The following PCSK6 variants were observed in gnomAD, a reference collection of about 807,000 sequenced individuals.
The protein encoded by PCSK6 is paired basic amino acid cleaving enzyme 4.
In PCSK6, 85 loss-of-function variants were observed where a neutral mutation model predicts 123.3. The observed-to-expected ratio is 0.69, with a 90% CI of 0.58 to 0.83. PCSK6 has a LOEUF of 0.83. Ranked by LOEUF, PCSK6 falls within the 40% of genes least tolerant of loss-of-function variation. The pLI, the probability that PCSK6 is intolerant of heterozygous loss-of-function variation, is 0.00. For synonymous variants in PCSK6, 508 were observed against 516.0 expected (o/e 0.98, Z 0.21); for missense variants, 1,191 against 1,282.3 (o/e 0.93, Z 1.09).
At chr15:101,455,315 G>C (rs1461469882) in intron 1 of PCSK6, among the ~76,000 whole-genome samples, 1 of 152,204 alleles carries the variant, frequency 6.6e-6, no homozygotes, top group African/African-American at 2.4e-5. Flanking sequence ...AGCCAAGCAC[G>C]GCAGTGCTGC....
Position 101,427,358 on chromosome 15 carries a change from C to T in PCSK6, c.823+534G>A, listed in dbSNP as rs770477665. 1.9e-3 allele frequency among the ~76,000 whole-genome samples: 286 copies of T among 152,074 alleles called. 1 individual carries two copies. Among genetic ancestry groups the T allele is most frequent in the Non-Finnish European group, 3.1e-3 (211 of 67,984 alleles). On this transcript the variant is annotated intron_variant, in intron 6 of 21. Coordinates refer to ENST00000611716, the MANE Select transcript of PCSK6 (RefSeq NM_002570.5). ...AGGTGGACAGAGCCAAGTGGAAAGA[C>T]GGGGGAGGCGGGGATGGGAATGGTT...
At chr15:101,357,101 T>C (rs2041066346) in intron 13 of PCSK6, among the ~76,000 whole-genome samples, 4 of 152,236 alleles carry the variant, frequency 2.6e-5, no homozygotes, top group Admixed American at 1.3e-4. Flanking sequence ...GCAATTAACT[T>C]GCAGAGATTT....
rs146189525 is a variant in PCSK6 at position 101,329,518 on chromosome 15, G to A, written c.2077+2133C>T. 1.5e-3 allele frequency among the ~76,000 whole-genome samples: 227 copies of A among 152,316 alleles called. 1 individual carries two copies. The highest frequency in any genetic ancestry group is 5.1e-3 in the African/African-American group (214 of 41,572). On this transcript the variant is annotated intron_variant, in intron 15 of 21. Transcript: ENST00000611716. Reference sequence around the variant, plus strand: ...CCTGACTGCTGTGCCCTGAGCAAGCGACCTGAGGCTTCTGGGCCTCTGCTT... The same window carrying A: ...CCTGACTGCTGTGCCCTGAGCAAGCAACCTGAGGCTTCTGGGCCTCTGCTT...
At chr15:101,468,209 C>G (rs1464577962) in intron 1 of PCSK6, among the ~76,000 whole-genome samples, 2 of 152,068 alleles carry the variant, frequency 1.3e-5, no homozygotes, top group South Asian at 2.1e-4. Flanking sequence ...TGTGGGTTAG[C>G]AGTAAGTAGT....
At chr15:101,392,039 A>G (rs2042247839) in intron 8 of PCSK6, among the ~76,000 whole-genome samples, 1 of 152,266 alleles carries the variant, frequency 6.6e-6, no homozygotes, top group South Asian at 2.1e-4. Context: ...TCCAGGGTTG[A>G]GAGACACCAT....
intron 20 of PCSK6, chr15:101,308,462 CG>C: frequency 6.6e-6 from 1 of 152,384 alleles, no homozygotes; most frequent in African/African-American, 2.4e-5. Flanking sequence ...GGTCTCACCA[CG>C]GACTCCGCTG....
intron 1 of PCSK6, among the ~76,000 whole-genome samples, chr15:101,480,265 T>C (rs1304867486): frequency 6.6e-6 from 1 of 152,198 alleles, no homozygotes; most frequent in Non-Finnish European, 1.5e-5. Flanking sequence ...CCGAGGAAGA[T>C]TAGAGAACTA....
intron 13 of PCSK6, chr15:101,337,484 A>C (rs2040508293): frequency 1.3e-5 from 2 of 152,212 alleles, no homozygotes; most frequent in Admixed American, 1.3e-4. Flanking sequence ...AAAATTATTA[A>C]ATGTTGAGAT....
intron 1 of PCSK6, among the ~76,000 whole-genome samples, chr15:101,444,719 C>T (rs1264332882): frequency 1.3e-5 from 2 of 152,148 alleles, no homozygotes; most frequent in African/African-American, 2.4e-5. Context: ...GATAAAGGTA[C>T]TTACCTTTAA....
At chr15:101,341,760 T>C (rs1317721150) in intron 13 of PCSK6, among the ~76,000 whole-genome samples, 2 of 152,276 alleles carry the variant, frequency 1.3e-5, no homozygotes, top group East Asian at 3.9e-4. Context: ...TGATAGCAGA[T>C]GAAAATTCAG....
In PCSK6 at chr15:101,489,525, C is replaced by G. The variant is rs2141292450; in HGVS notation, c.146G>C (p.Trp49Ser). ...PGFRPLAPRP[W>S]RWLLLLALPA... ...CAGCGCCAGCAGCAGCAGCCAGCGC[C>G]AGGGACGCGGCGCGAGCGGCCGGAA... is the stretch of plus-strand genomic sequence containing the variant. The change falls in exon 1 of 22, where the codon TGG becomes TCG. Residue 49 changes from tryptophan (W) to serine (S), a missense_variant. Trp to Ser is a radical substitution (Grantham distance 177). Transcript: ENST00000611716. The G allele has an allele frequency of 9.8e-7, 1 of 1,024,466 alleles. No individual in the cohort carries two copies. Among genetic ancestry groups the G allele is most frequent in the South Asian group, 4.5e-5 (1 of 22,430 alleles). 63.5% of individuals were successfully genotyped at this position (1,024,466 alleles called of 1,614,324 possible). A position where few individuals can be genotyped will look rare whatever the true frequency, so the allele number is the denominator to read the frequency against.
intron 17 of PCSK6, among the ~76,000 whole-genome samples, 168 bp downstream of exon 17, chr15:101,324,682 G>C (rs2040206890): frequency 2.0e-5 from 3 of 152,172 alleles, no homozygotes; most frequent in Admixed American, 2.0e-4. Flanking sequence ...AACAGGTCTG[G>C]GTGCTTTGAT....
At chr15:101,310,704 T>C (rs1339807181) in intron 20 of PCSK6, among the ~76,000 whole-genome samples, 1 of 152,130 alleles carries the variant, frequency 6.6e-6, no homozygotes, top group African/African-American at 2.4e-5. Context: ...GTCAGACAAG[T>C]GCAAGGGCTT....
intron 1 of PCSK6, among the ~76,000 whole-genome samples, chr15:101,454,069 G>A (rs758084723): frequency 6.6e-5 from 10 of 152,234 alleles, no homozygotes; most frequent in Non-Finnish European, 1.2e-4. Flanking sequence ...CTGGGCTGCA[G>A]CTCATGGCTA....
At chr15:101,364,220 G>A (rs2041321458) in intron 13 of PCSK6, among the ~76,000 whole-genome samples, 1 of 152,106 alleles carries the variant, frequency 6.6e-6, no homozygotes, top group Admixed American at 6.5e-5. Flanking sequence ...CACAGAAAAG[G>A]GCACAGGGAA....
chr15:101,446,510 C>T (rs1305090183), intron 1 of PCSK6, among the ~76,000 whole-genome samples: 3 of 152,144 alleles, frequency 2.0e-5, no homozygotes, highest in Admixed American at 1.3e-4. Flanking sequence ...ATCCACCTAC[C>T]GTTTTTTGAT....
intron 6 of PCSK6, among the ~76,000 whole-genome samples, chr15:101,411,990 C>A (rs1167805259): frequency 6.6e-6 from 1 of 152,214 alleles, no homozygotes; most frequent in Non-Finnish European, 1.5e-5. Flanking sequence ...AGGAGGCTCA[C>A]TGCTGCTCAC....
chr15:101,347,347 C>G (rs60289824), intron 13 of PCSK6: 212,498 of 1,237,900 alleles, frequency 0.17, 19,217 homozygotes, highest in African/African-American at 0.3. Context: ...AACAGTTATG[C>G]TCTTGGGAAA....
At chr15:101,350,509 G>A (rs2040862008) in intron 13 of PCSK6, among the ~76,000 whole-genome samples, 1 of 152,178 alleles carries the variant, frequency 6.6e-6, no homozygotes, top group Non-Finnish European at 1.5e-5. Context: ...TTTAGCATAT[G>A]GAGAATTCAG....
Sources: gnomAD v4.1 joint callset for allele counts (sites outside exome capture counted in the v4.1 genomes callset) on GRCh38, gnomAD v4.1.1 for gene constraint, MANE v1.5 for transcripts, NCBI Gene and HGNC (gene_info 2026-07-23, HGNC 2026-07-21) for gene names.